Variants in TSPAN9 observed in about 807,000 individuals in gnomAD.
TSPAN9 encodes tetraspanin 9.
TSPAN9 carries 16 observed loss-of-function variants against 31.0 expected under a neutral mutation model. The observed-to-expected ratio is 0.52, with a 90% CI of 0.35 to 0.78. The LOEUF (loss-of-function observed/expected upper bound fraction) is 0.78. Ranked by LOEUF, TSPAN9 falls within the 30% of genes least tolerant of loss-of-function variation. The pLI, the probability that TSPAN9 is intolerant of heterozygous loss-of-function variation, is 0.01. For missense variants in TSPAN9, 272 were observed against 312.5 expected (o/e 0.87, Z 0.98); for synonymous variants, 145 against 121.6 (o/e 1.19, Z -1.27).
intron 3 of TSPAN9, among the ~76,000 whole-genome samples, chr12:3,224,439 C>T (rs958128234): frequency 2.6e-5 from 4 of 152,174 alleles, no homozygotes; most frequent in South Asian, 2.1e-4. Flanking sequence ...TTTTCACACA[C>T]GAGGAAGCTA....
intron 2 of TSPAN9, among the ~76,000 whole-genome samples, chr12:3,140,094 A>G (rs2098334078): frequency 6.6e-6 from 1 of 152,186 alleles, no homozygotes; most frequent in Non-Finnish European, 1.5e-5. Context: ...GGCAGCCACC[A>G]GGACAGTCGG....
chr12:3,171,080 G>A (rs11524965), intron 2 of TSPAN9, among the ~76,000 whole-genome samples: 19 of 151,982 alleles, frequency 1.3e-4, no homozygotes, highest in African/African-American at 4.6e-4. Flanking sequence ...TGGATTATGG[G>A]AACAGTTTCC....
intron 2 of TSPAN9, among the ~76,000 whole-genome samples, chr12:3,145,946 G>T (rs1403738613): frequency 1.3e-5 from 2 of 152,252 alleles, no homozygotes; most frequent in Non-Finnish European, 2.9e-5. Context: ...AGACAGATGG[G>T]CTGCAGGCAC....
Position 3,283,332 on chromosome 12 carries a change from G to T in TSPAN9, c.*216G>T. 1.8e-6 allele frequency: 1 copy of T among 540,874 alleles called. No homozygotes were observed. Among genetic ancestry groups the T allele is most frequent in the Non-Finnish European group, 3.2e-6 (1 of 308,980 alleles). 33.5% of individuals were successfully genotyped at this position (540,874 alleles called of 1,614,324 possible). A position where few individuals can be genotyped will look rare whatever the true frequency, so the allele number is the denominator to read the frequency against. ...GGAGACCTGGGGCTCGGGGCCCCTGGATTCCTGCATCTGCATATGCGTATT... is the reference window on the plus strand; with the variant it reads ...GGAGACCTGGGGCTCGGGGCCCCTGTATTCCTGCATCTGCATATGCGTATT... On this transcript the variant is annotated 3_prime_UTR_variant, in exon 9 of 9. Coordinates refer to ENST00000011898, the MANE Select transcript of TSPAN9 (RefSeq NM_006675.5).
chr12:3,174,897 A>G (rs536896520), intron 2 of TSPAN9, among the ~76,000 whole-genome samples: 1 of 152,286 alleles, frequency 6.6e-6, no homozygotes, highest in East Asian at 1.9e-4. Flanking sequence ...TGTGGTTTTA[A>G]TTGACATGAT....
chr12:3,267,811 C>G (rs1184141174), intron 3 of TSPAN9, among the ~76,000 whole-genome samples: 1 of 152,188 alleles, frequency 6.6e-6, no homozygotes, highest in East Asian at 1.9e-4. Flanking sequence ...CTCGTGGTTC[C>G]TCCCTGGGCA....
At chr12:3,216,942 A>G (rs3741946) in intron 3 of TSPAN9, among the ~76,000 whole-genome samples, 11,349 of 152,240 alleles carry the variant, frequency 0.075, 457 homozygotes, top group Middle Eastern at 0.13. Flanking sequence ...CCAAGGGCCC[A>G]CTGTCCTGGG....
intron 2 of TSPAN9, among the ~76,000 whole-genome samples, chr12:3,194,408 G>C (rs1459665738): frequency 6.6e-6 from 1 of 151,960 alleles, no homozygotes; most frequent in African/African-American, 2.4e-5. Context: ...TCTTTTTTGA[G>C]ATAGGGTCTC....
intron 3 of TSPAN9, among the ~76,000 whole-genome samples, chr12:3,232,221 A>G (rs10735018): frequency 0.96 from 145,514 of 152,214 alleles, 69,806 homozygotes; most frequent in South Asian, 0.99. Flanking sequence ...AGAAATGTGT[A>G]TAGTTTTCTC....
At chr12:3,131,358 C>T (rs77286763) in intron 2 of TSPAN9, among the ~76,000 whole-genome samples, 140 of 152,328 alleles carry the variant, frequency 9.2e-4, no homozygotes, top group South Asian at 2.9e-3. Flanking sequence ...ACGTTCTCTG[C>T]GCTGATGGTG....
At chr12:3,204,233 T>C (rs191644154) in intron 3 of TSPAN9, among the ~76,000 whole-genome samples, 37 of 152,258 alleles carry the variant, frequency 2.4e-4, no homozygotes, top group Non-Finnish European at 4.0e-4. Flanking sequence ...GCCTACCAGG[T>C]ATTTCTCCAA....
intron 3 of TSPAN9, among the ~76,000 whole-genome samples, chr12:3,242,470 G>A (rs897932862): frequency 1.3e-5 from 2 of 152,202 alleles, no homozygotes; most frequent in African/African-American, 4.8e-5. Context: ...CATGTGACAC[G>A]GCCAGTCCAA....
intron 2 of TSPAN9, among the ~76,000 whole-genome samples, chr12:3,127,902 A>T (rs556280306): frequency 6.6e-6 from 1 of 152,294 alleles, no homozygotes; most frequent in African/African-American, 2.4e-5. Context: ...CTGGGACTAC[A>T]GGCTTGGTGG....
chr12:3,271,544 GA>G (rs10709802), intron 3 of TSPAN9, among the ~76,000 whole-genome samples: 84,839 of 143,348 alleles, frequency 0.59, 24,604 homozygotes, highest in East Asian at 0.77. Context: ...GAGGTATGCA[GA>G]AAAAAAAAAA....
chr12:3,201,601 G>T (rs751208662), intron 3 of TSPAN9, among the ~76,000 whole-genome samples: 11 of 152,216 alleles, frequency 7.2e-5, no homozygotes, highest in Non-Finnish European at 1.6e-4. Flanking sequence ...TGTGGGCTCA[G>T]AATTTGTAAC....
In TSPAN9 at chr12:3,186,546, TTGTGTG is replaced by T. The variant is rs61329208; in HGVS notation, c.-17-14605_-17-14600del. ...TGGAGTGAGTGGGCCAGGAGTTTGTTTGTGTGTGTGTGTGTGTGTGTGTGTGTGTGT... is the reference window on the plus strand; with the variant it reads ...TGGAGTGAGTGGGCCAGGAGTTTGTTTGTGTGTGTGTGTGTGTGTGTGTGT... On this transcript the variant is annotated intron_variant, in intron 2 of 8. Transcript: ENST00000011898. Among the ~76,000 whole-genome samples the T allele has an allele frequency of 3.0e-3, 403 of 135,922 alleles. 3 individuals carry two copies. The South Asian group carries it at 0.038, about 13-fold the overall frequency. 89.2% of individuals were successfully genotyped at this position (135,922 alleles called of 152,430 possible).
rs1032619297 is a variant in TSPAN9, at chr12:3,280,236, A to G, written c.331-146A>G. ...TTGGGCCAGCAGAGGCCCCCACCCCAGTGGGCAGGGCCTTCCAGACCAGCT... is the reference window on the plus strand; with the variant it reads ...TTGGGCCAGCAGAGGCCCCCACCCCGGTGGGCAGGGCCTTCCAGACCAGCT... On this transcript the variant is annotated intron_variant, in intron 5 of 8. Transcript: ENST00000011898. This position sits in a 1 kb window ranked among gnomAD's most constrained non-coding sequence, Gnocchi z 4.5. 1.5e-6 allele frequency: 1 copy of G among 683,324 alleles called. No individual in the cohort carries two copies. Among genetic ancestry groups the G allele is most frequent in the Non-Finnish European group, 2.5e-6 (1 of 397,094 alleles). 42.3% of individuals were successfully genotyped at this position (683,324 alleles called of 1,614,324 possible). A position where few individuals can be genotyped will look rare whatever the true frequency, so the allele number is the denominator to read the frequency against.
intron 2 of TSPAN9, among the ~76,000 whole-genome samples, chr12:3,189,104 A>T (rs780415093): frequency 2.0e-5 from 3 of 152,216 alleles, no homozygotes; most frequent in South Asian, 2.1e-4. Context: ...ATCAGTGTCC[A>T]AAAGAGATGA....
At position 3,158,760 on chromosome 12, in the gene TSPAN9, T is replaced by G. The variant is rs1438066622; in HGVS notation, c.-17-42417T>G. 2.0e-5 allele frequency among the ~76,000 whole-genome samples: 3 copies of G among 146,966 alleles called. No individual in the cohort carries two copies. In the East Asian group the frequency reaches 6.3e-4, roughly 31 times the overall value. On this transcript the variant is annotated intron_variant, in intron 2 of 8. Transcript: ENST00000011898. ...AAAAAAAAAGCATAGGCTTCCACTG[T>G]GTCGGCCAACTTGCTACTTCCTGAC...
Sources: allele counts gnomAD v4.1 joint callset (sites outside exome capture counted in the v4.1 genomes callset), GRCh38; gene constraint gnomAD v4.1.1; non-coding constraint Gnocchi (gnomAD v3.1); transcripts MANE v1.5; gene names NCBI Gene and HGNC (gene_info 2026-07-23, HGNC 2026-07-21).